The following TENM4 variants were observed in gnomAD, a reference collection of about 807,000 sequenced individuals.
TENM4 encodes teneurin transmembrane protein 4, also known as teneurin-4.
In TENM4, 82 loss-of-function variants were observed where a neutral mutation model predicts 243.3. The ratio of observed to expected loss-of-function variants is 0.34; its 90% CI spans 0.28 to 0.40. The LOEUF is 0.40. Ranked by LOEUF, TENM4 falls within the 10% of genes least tolerant of loss-of-function variation. The pLI, the probability that TENM4 is intolerant of heterozygous loss-of-function variation, is 1.00. For synonymous variants in TENM4, 1,412 were observed against 1,456.3 expected (o/e 0.97, Z 0.69); for missense variants, 3,138 against 3,673.3 (o/e 0.85, Z 3.77).
intron 6 of TENM4, among the ~76,000 whole-genome samples, chr11:78,979,093 C>T (rs1857732816): frequency 6.6e-6 from 1 of 152,094 alleles, no homozygotes; most frequent in African/African-American, 2.4e-5. Flanking sequence ...GTCCAGTGGT[C>T]TGTGAGGCTG....
At chr11:78,963,430 A>G (rs1275303453) in intron 6 of TENM4, among the ~76,000 whole-genome samples, 1 of 152,240 alleles carries the variant, frequency 6.6e-6, no homozygotes, top group Non-Finnish European at 1.5e-5. Flanking sequence ...ATAAAAGTAT[A>G]CAGTACAAGA....
Position 78,669,843 on chromosome 11 carries a change from C to A in TENM4, c.6502G>T (p.Val2168Phe), listed in dbSNP as rs200474747. ...ACTCGCCCCATGTTATCATACTGGA[C>A]GGTCATCCAGTACATGAGCGAGCGG... is the stretch of plus-strand genomic sequence containing the variant. ...IFRSLMYWMT[V>F]QYDNMGRVVK... is the part of the protein sequence containing the mutation. Residue 2168 changes from valine (V) to phenylalanine (F), a missense_variant, in exon 32 of 34, where the codon GTC becomes TTC. Coordinates refer to ENST00000278550, the MANE Select transcript of TENM4 (RefSeq NM_001098816.3). The surrounding 1 kb of genome is among the most constrained non-coding windows in gnomAD (Gnocchi z 6.4). 3 of 1,613,664 alleles carry A rather than the reference C, an allele frequency of 1.9e-6. No individual in the cohort carries two copies. Among genetic ancestry groups the A allele is most frequent in the African/African-American group, 2.7e-5 (2 of 74,932 alleles).
At chr11:79,029,931 A>T (rs1859182754) in intron 6 of TENM4, among the ~76,000 whole-genome samples, 1 of 152,158 alleles carries the variant, frequency 6.6e-6, no homozygotes. Context: ...TGAACAGGGT[A>T]AGTTAACAGC....
chr11:79,229,441 T>A (rs184044558), intron 2 of TENM4, among the ~76,000 whole-genome samples: 61 of 152,340 alleles, frequency 4.0e-4, no homozygotes, highest in African/African-American at 1.5e-3. Flanking sequence ...TCTATACTTT[T>A]GCTGTTTCTT....
intron 4 of TENM4, among the ~76,000 whole-genome samples, chr11:79,127,717 G>A (rs186683697): frequency 9.8e-5 from 15 of 152,346 alleles, no homozygotes; most frequent in Middle Eastern, 3.4e-3. Context: ...ATGCTGATCG[G>A]ATCCAGTGGG....
At chr11:78,960,040 T>G (rs1857284635) in intron 6 of TENM4, among the ~76,000 whole-genome samples, 1 of 151,880 alleles carries the variant, frequency 6.6e-6, no homozygotes. Context: ...CCTTAGAAAT[T>G]GCTCCATCAC....
intron 9 of TENM4, among the ~76,000 whole-genome samples, chr11:78,870,035 A>G (rs1565415537): frequency 6.6e-6 from 1 of 152,238 alleles, no homozygotes; most frequent in African/African-American, 2.4e-5. Context: ...GGGTCTTTCT[A>G]TAAAAGCACT....
At chr11:78,964,445 A>G (rs1382410710) in intron 6 of TENM4, among the ~76,000 whole-genome samples, 1 of 152,214 alleles carries the variant, frequency 6.6e-6, no homozygotes, top group Non-Finnish European at 1.5e-5. Context: ...TTAGAAATTC[A>G]GCAAGAAGAA....
intron 31 of TENM4, among the ~76,000 whole-genome samples, chr11:78,671,285 GTCTC>G (rs10701077): frequency 0.01 from 1,561 of 151,234 alleles, 23 homozygotes; most frequent in African/African-American, 0.035. Context: ...GACCTCCAAG[GTCTC>G]TCTCTCTCTT....
At chr11:78,738,959 G>A (rs1170354039) in intron 19 of TENM4, among the ~76,000 whole-genome samples, 4 of 152,038 alleles carry the variant, frequency 2.6e-5, no homozygotes, top group African/African-American at 9.7e-5. Flanking sequence ...CTGAACTTCA[G>A]TAGGCATGTG....
At chr11:79,373,389 G>T (rs1171061819) in intron 1 of TENM4, among the ~76,000 whole-genome samples, 1 of 151,900 alleles carries the variant, frequency 6.6e-6, no homozygotes, top group Non-Finnish European at 1.5e-5. Flanking sequence ...TGGATGCATG[G>T]GTGGATAGTT....
At chr11:79,144,687 C>T (rs540138832) in intron 4 of TENM4, among the ~76,000 whole-genome samples, 1 of 152,084 alleles carries the variant, frequency 6.6e-6, no homozygotes, top group Non-Finnish European at 1.5e-5. Flanking sequence ...CACAGAAAGA[C>T]AAACTTTGCA....
At chr11:79,177,591 AT>A (rs1863189972) in intron 3 of TENM4, among the ~76,000 whole-genome samples, 1 of 152,148 alleles carries the variant, frequency 6.6e-6, no homozygotes, top group Non-Finnish European at 1.5e-5. Flanking sequence ...GTGATGATCA[AT>A]ATTATGGAGG....
At chr11:79,189,434 G>A (rs1863437361) in intron 3 of TENM4, among the ~76,000 whole-genome samples, 1 of 152,220 alleles carries the variant, frequency 6.6e-6, no homozygotes, top group South Asian at 2.1e-4. Flanking sequence ...TGCTTCCTAA[G>A]AGTAGGGACT....
At chr11:79,237,582 C>T (rs1215450758) in intron 2 of TENM4, among the ~76,000 whole-genome samples, 5 of 152,186 alleles carry the variant, frequency 3.3e-5, no homozygotes, top group Admixed American at 1.3e-4. Context: ...GAGGCTGAGG[C>T]AGGAGAATCA....
At chr11:78,963,789 T>C (rs1304479189) in intron 6 of TENM4, among the ~76,000 whole-genome samples, 1 of 150,088 alleles carries the variant, frequency 6.7e-6, no homozygotes, top group Non-Finnish European at 1.5e-5. Context: ...TGGAGTGCAG[T>C]GGCACAATCT....
intron 4 of TENM4, among the ~76,000 whole-genome samples, chr11:79,101,907 T>C (rs570743806): frequency 6.6e-6 from 1 of 152,314 alleles, no homozygotes; most frequent in Admixed American, 6.5e-5. Flanking sequence ...AGCTGTCTTC[T>C]AGCTCCAGAA....
intron 1 of TENM4, among the ~76,000 whole-genome samples, chr11:79,400,586 C>A (rs1331258775): frequency 2.0e-5 from 3 of 152,198 alleles, no homozygotes; most frequent in Admixed American, 2.0e-4. Flanking sequence ...TTAAGCTCTG[C>A]AATCAGTGCA....
intron 6 of TENM4, among the ~76,000 whole-genome samples, chr11:78,980,069 T>C (rs777765553): frequency 1.3e-5 from 2 of 152,244 alleles, no homozygotes; most frequent in Non-Finnish European, 2.9e-5. Flanking sequence ...AGTGATTATA[T>C]TCTGTAAGTC....
Sources: allele counts gnomAD v4.1 joint callset (sites outside exome capture counted in the v4.1 genomes callset), GRCh38; gene constraint gnomAD v4.1.1; non-coding constraint Gnocchi (gnomAD v3.1); transcripts MANE v1.5; gene names NCBI Gene and HGNC (gene_info 2026-07-23, HGNC 2026-07-21).